Variants in LRMDA observed in about 807,000 individuals in gnomAD.
LRMDA encodes leucine rich melanocyte differentiation associated.
A neutral mutation model predicts 29.8 loss-of-function variants in LRMDA; 18 were observed. The observed-to-expected ratio is 0.60, with a 90% CI of 0.42 to 0.90. The LOEUF (loss-of-function observed/expected upper bound fraction) is 0.90, where lower values mean the gene tolerates loss of function less well. Among genes scored for constraint, LRMDA ranks in the 40% least tolerant of loss-of-function variants. The probability of loss-of-function intolerance (pLI) is 0.00; values close to 1 mark genes in which losing one functional copy is unlikely to be tolerated. For synonymous variants in LRMDA, 125 were observed against 109.4 expected (o/e 1.14, Z -0.89); for missense variants, 273 against 273.9 (o/e 1.00, Z 0.02).
intron 2 of LRMDA, among the ~76,000 whole-genome samples, chr10:75,706,435 T>TTGGGC (rs1237060628): frequency 6.6e-6 from 1 of 152,226 alleles, no homozygotes; most frequent in African/African-American, 2.4e-5. Context: ...CTCCAAAGTT[T>TTGGGC]TGGGCTGTGT....
At chr10:76,459,568 CGTGCTTTG>C (rs1342822108) in intron 6 of LRMDA, among the ~76,000 whole-genome samples, 1 of 152,148 alleles carries the variant, frequency 6.6e-6, no homozygotes, top group Non-Finnish European at 1.5e-5. Flanking sequence ...AAATGCTTTA[CGTGCTTTG>C]GTGCCACTGC....
At chr10:75,737,751 C>T (rs1365557381) in intron 2 of LRMDA, among the ~76,000 whole-genome samples, 1 of 152,060 alleles carries the variant, frequency 6.6e-6, no homozygotes, top group Non-Finnish European at 1.5e-5. Flanking sequence ...TCATGTTGCC[C>T]CTTAGTCTGG....
intron 2 of LRMDA, among the ~76,000 whole-genome samples, chr10:75,922,125 A>G (rs1387300513): frequency 6.6e-6 from 1 of 152,214 alleles, no homozygotes; most frequent in Non-Finnish European, 1.5e-5. Context: ...ACTTCCCAAC[A>G]ATGGGGGAAA....
rs559587708 is a variant in LRMDA, at chr10:76,359,792, G to A, written c.601+35307G>A. On this transcript the variant is annotated intron_variant, in intron 6 of 6. Coordinates refer to ENST00000611255, the MANE Select transcript of LRMDA (RefSeq NM_001305581.2). ...GCCTTAATATCTTGGTTAGAATAGC[G>A]GCTTTTGAAAGTCTATGAAAATCAA... Among the ~76,000 whole-genome samples, 9 of 152,196 alleles carry A rather than the reference G, an allele frequency of 5.9e-5. No individual in the cohort carries two copies. In the South Asian group the frequency reaches 6.2e-4, roughly 11 times the overall value.
chr10:76,058,086 A>G (rs1848645106), intron 4 of LRMDA, among the ~76,000 whole-genome samples: 1 of 152,164 alleles, frequency 6.6e-6, no homozygotes, highest in Admixed American at 6.5e-5. Context: ...CTCCTTGATA[A>G]TCTTCATAGG....
intron 2 of LRMDA, among the ~76,000 whole-genome samples, chr10:75,769,842 G>T (rs955710275): frequency 6.6e-6 from 1 of 152,114 alleles, no homozygotes; most frequent in Admixed American, 6.6e-5. Context: ...TATCAGCTTG[G>T]CATGGTGGCA....
chr10:76,086,985 T>G (rs1253178757), intron 5 of LRMDA, among the ~76,000 whole-genome samples: 1 of 152,158 alleles, frequency 6.6e-6, no homozygotes, highest in African/African-American at 2.4e-5. Context: ...GGGAGAGACG[T>G]TCTTTGGCTT....
At chr10:75,681,462 G>A (rs771931796) in intron 2 of LRMDA, among the ~76,000 whole-genome samples, 4 of 152,216 alleles carry the variant, frequency 2.6e-5, no homozygotes, top group African/African-American at 9.6e-5. Flanking sequence ...CATCTAGGCC[G>A]GGTGGCTCTG....
chr10:75,585,405 G>A (rs2132079887), intron 2 of LRMDA, among the ~76,000 whole-genome samples: 1 of 152,254 alleles, frequency 6.6e-6, no homozygotes, highest in East Asian at 1.9e-4. Context: ...TGGAAATTTG[G>A]GTTGTTTGCA....
chr10:76,015,245 G>A (rs1167635347), intron 2 of LRMDA, among the ~76,000 whole-genome samples: 2 of 152,182 alleles, frequency 1.3e-5, no homozygotes, highest in Non-Finnish European at 2.9e-5. Context: ...CAGCTTCTGT[G>A]GGCCAAGAGT....
intron 2 of LRMDA, among the ~76,000 whole-genome samples, chr10:75,682,342 C>T (rs1238817804): frequency 6.6e-6 from 1 of 151,940 alleles, no homozygotes; most frequent in Non-Finnish European, 1.5e-5. Flanking sequence ...CTTTGTAGAA[C>T]AGTTAAATAA....
At chr10:76,254,959 C>T (rs1852565349) in intron 5 of LRMDA, among the ~76,000 whole-genome samples, 1 of 152,188 alleles carries the variant, frequency 6.6e-6, no homozygotes, top group Non-Finnish European at 1.5e-5. Context: ...TTCTGAGGTC[C>T]ACTTAACCTT....
intron 2 of LRMDA, among the ~76,000 whole-genome samples, chr10:75,981,678 C>T (rs1007590773): frequency 6.6e-6 from 1 of 151,920 alleles, no homozygotes; most frequent in Non-Finnish European, 1.5e-5. Flanking sequence ...TTGGTGAAAC[C>T]CCAGCTCTAC....
At chr10:75,645,091 T>G (rs1179918372) in intron 2 of LRMDA, among the ~76,000 whole-genome samples, 1 of 151,918 alleles carries the variant, frequency 6.6e-6, no homozygotes, top group Non-Finnish European at 1.5e-5. Context: ...CAAGCGATTC[T>G]CCTTCCTCAG....
intron 2 of LRMDA, among the ~76,000 whole-genome samples, chr10:76,012,268 A>G (rs183671502): frequency 6.6e-6 from 1 of 152,178 alleles, no homozygotes; most frequent in South Asian, 2.1e-4. Context: ...GCACTTTGTC[A>G]TCAGACATAG....
intron 6 of LRMDA, among the ~76,000 whole-genome samples, chr10:76,371,375 G>A (rs1841452248): frequency 1.3e-5 from 2 of 152,124 alleles, no homozygotes; most frequent in Non-Finnish European, 2.9e-5. Context: ...TGTTAACACA[G>A]TATGAGTTTA....
intron 2 of LRMDA, among the ~76,000 whole-genome samples, chr10:75,730,358 G>A (rs753181859): frequency 6.6e-6 from 1 of 151,908 alleles, no homozygotes; most frequent in Non-Finnish European, 1.5e-5. Flanking sequence ...CAATGGCCAC[G>A]ACCCCACCAT....
chr10:76,177,830 G>C (rs11001670), intron 5 of LRMDA, among the ~76,000 whole-genome samples: 18,056 of 152,194 alleles, frequency 0.12, 1,567 homozygotes, highest in African/African-American at 0.24. Flanking sequence ...CACAAAAGCT[G>C]TTTGTTGGAG....
intron 5 of LRMDA, among the ~76,000 whole-genome samples, chr10:76,258,717 G>T (rs185169290): frequency 6.6e-6 from 1 of 152,142 alleles, no homozygotes; most frequent in Admixed American, 6.5e-5. Flanking sequence ...GTGGTGTTTA[G>T]TTAGTTCTGT....
Sources: allele counts gnomAD v4.1 joint callset (sites outside exome capture counted in the v4.1 genomes callset), GRCh38; gene constraint gnomAD v4.1.1; transcripts MANE v1.5; gene names NCBI Gene and HGNC (gene_info 2026-07-23, HGNC 2026-07-21).